Variants in FGF1 observed in about 807,000 individuals in gnomAD.
FGF1 encodes beta-endothelial cell growth factor.
In FGF1, 9 loss-of-function variants were observed where a neutral mutation model predicts 13.4. The ratio of observed to expected loss-of-function variants is 0.67; its 90% CI spans 0.40 to 1.17. The LOEUF is 1.17. Ranked by LOEUF, FGF1 falls within the 50% of genes most tolerant of loss-of-function variation. The probability of loss-of-function intolerance (pLI) is 0.01; values close to 1 mark genes in which losing one functional copy is unlikely to be tolerated. For missense variants in FGF1, 156 were observed against 192.7 expected (o/e 0.81, Z 1.13); for synonymous variants, 93 against 79.0 (o/e 1.18, Z -0.94).
chr5:142,654,758 G>C (rs969517229), intron 1 of FGF1, among the ~76,000 whole-genome samples: 1 of 152,236 alleles, frequency 6.6e-6, no homozygotes, highest in African/African-American at 2.4e-5. Flanking sequence ...CCTCTTTAGG[G>C]TTGGCTCCTT....
At chr5:142,598,387 T>A (rs1755746576) in intron 3 of FGF1, among the ~76,000 whole-genome samples, 1 of 152,252 alleles carries the variant, frequency 6.6e-6, no homozygotes, top group African/African-American at 2.4e-5. Context: ...GGTACAATGC[T>A]GAAGACATGT....
upstream of FGF1, among the ~76,000 whole-genome samples, chr5:142,689,386 A>C (rs12514676): frequency 0.013 from 1,916 of 152,342 alleles, 19 homozygotes; most frequent in South Asian, 0.035. Context: ...CCACGATGAC[A>C]GAGGGCAATG....
In FGF1 at chr5:142,594,111, T is replaced by G. The variant is rs534873152; in HGVS notation, c.*1179A>C. 1 of 152,358 alleles carries G rather than the reference T, an allele frequency of 6.6e-6. No individual in the cohort carries two copies. Among genetic ancestry groups the G allele is most frequent in the Non-Finnish European group, 1.5e-5 (1 of 68,004 alleles). 9.4% of individuals were successfully genotyped at this position (152,358 alleles called of 1,614,324 possible). ...AATGCTCAGGTAGACTCATGAGGTG[T>G]GCATTTTTAAGGGTTAGTTGAGGTC... On this transcript the variant is annotated 3_prime_UTR_variant, in exon 4 of 4. Coordinates refer to ENST00000337706, the MANE Select transcript of FGF1 (RefSeq NM_000800.5).
At chr5:142,682,533 A>C (rs547733278) in intron 1 of FGF1, among the ~76,000 whole-genome samples, 56 of 152,198 alleles carry the variant, frequency 3.7e-4, no homozygotes, top group Non-Finnish European at 1.3e-4. Flanking sequence ...CCCCCACTTT[A>C]CAGATGAGGA....
intron 1 of FGF1, among the ~76,000 whole-genome samples, chr5:142,660,678 C>T (rs938436088): frequency 7.9e-5 from 12 of 152,224 alleles, no homozygotes; most frequent in Admixed American, 2.0e-4. Context: ...GTGTTCTCCT[C>T]AGCTCATCAG....
At chr5:142,679,440 T>G (rs1773299793) in intron 1 of FGF1, among the ~76,000 whole-genome samples, 1 of 152,206 alleles carries the variant, frequency 6.6e-6, no homozygotes, top group Non-Finnish European at 1.5e-5. Flanking sequence ...TCAGGACCAC[T>G]CGGTAGAATT....
chr5:142,605,973 C>G (rs1162245319), intron 2 of FGF1, among the ~76,000 whole-genome samples: 2 of 152,116 alleles, frequency 1.3e-5, no homozygotes, highest in African/African-American at 2.4e-5. Context: ...ACAGCAGCAG[C>G]TTTTTCCTCG....
chr5:142,607,746 GAA>G (rs1164277487), intron 2 of FGF1, among the ~76,000 whole-genome samples: 2 of 152,282 alleles, frequency 1.3e-5, no homozygotes, highest in Non-Finnish European at 2.9e-5. Flanking sequence ...ACATGTCAAT[GAA>G]ACTGAAATGT....
intron 1 of FGF1, among the ~76,000 whole-genome samples, chr5:142,646,117 G>T (rs1766026109): frequency 6.6e-6 from 1 of 151,304 alleles, no homozygotes; most frequent in African/African-American, 2.4e-5. Flanking sequence ...CAGTGTGTTA[G>T]CCAGGATGGT....
intron 2 of FGF1, among the ~76,000 whole-genome samples, chr5:142,608,542 CTATATATATA>C (rs369107817): frequency 0.023 from 1,771 of 75,894 alleles, 20 homozygotes; most frequent in Non-Finnish European, 0.03. Flanking sequence ...ATATACACAT[CTATATATATA>C]TATATATATA....
intron 1 of FGF1, among the ~76,000 whole-genome samples, chr5:142,648,086 A>AAAC (rs997145947): frequency 1.1e-4 from 17 of 152,224 alleles, no homozygotes; most frequent in South Asian, 1.0e-3. Context: ...CTCTATCTCA[A>AAAC]AACAACAACA....
intron 1 of FGF1, among the ~76,000 whole-genome samples, chr5:142,667,246 T>C (rs1348425335): frequency 2.0e-5 from 3 of 150,992 alleles, no homozygotes; most frequent in Non-Finnish European, 4.4e-5. Flanking sequence ...ATCATGCCAC[T>C]GTACTCCAGC....
chr5:142,688,839 C>G (rs1256697912), upstream of FGF1, among the ~76,000 whole-genome samples: 1 of 152,200 alleles, frequency 6.6e-6, no homozygotes, highest in African/African-American at 2.4e-5. Context: ...ATGCAGAGCA[C>G]TTAGGCAGCT....
chr5:142,648,387 C>G (rs59732853), intron 1 of FGF1, among the ~76,000 whole-genome samples: 2 of 151,976 alleles, frequency 1.3e-5, no homozygotes, highest in Non-Finnish European at 2.9e-5. Flanking sequence ...AACCATCATT[C>G]TCAGCAAACT....
intron 3 of FGF1, 43 bp downstream of exon 3, chr5:142,600,659 C>G: frequency 1.4e-6 from 2 of 1,399,698 alleles, no homozygotes; most frequent in Non-Finnish European, 2.0e-6. Flanking sequence ...CTGGAAACCT[C>G]AAACCTTGGC....
At chr5:142,614,968 A>G (rs868416819) in intron 1 of FGF1, among the ~76,000 whole-genome samples, 1 of 152,092 alleles carries the variant, frequency 6.6e-6, no homozygotes, top group South Asian at 2.1e-4. Context: ...CTAATGTGAG[A>G]TAGAACACAG....
intron 1 of FGF1, among the ~76,000 whole-genome samples, chr5:142,679,737 T>C (rs945218172): frequency 2.0e-5 from 3 of 152,240 alleles, no homozygotes; most frequent in African/African-American, 7.2e-5. Context: ...TTGGGCCTAC[T>C]TGTTGCTCCC....
chr5:142,660,791 C>G (rs1331122352), intron 1 of FGF1, among the ~76,000 whole-genome samples: 1 of 152,214 alleles, frequency 6.6e-6, no homozygotes, highest in East Asian at 1.9e-4. Flanking sequence ...TAAAAGAAAT[C>G]CCACAGTCTA....
chr5:142,595,066 C>G lies in FGF1; in HGVS notation c.*224G>C, dbSNP rs1047741253. The G allele has an allele frequency of 3.8e-5, 17 of 446,288 alleles. No individual in the cohort carries two copies. Among genetic ancestry groups the G allele is most frequent in the Admixed American group, 2.7e-4 (7 of 25,486 alleles). 27.6% of individuals were successfully genotyped at this position (446,288 alleles called of 1,614,324 possible). A position where few individuals can be genotyped will look rare whatever the true frequency, so the allele number is the denominator to read the frequency against. ...CCAAACCCAGACCCAGACTGGCCAGCCAGTTGACTCCTAGAAGCAATTTGG... is the reference window on the plus strand; with the variant it reads ...CCAAACCCAGACCCAGACTGGCCAGGCAGTTGACTCCTAGAAGCAATTTGG... On this transcript the variant is annotated 3_prime_UTR_variant, in exon 4 of 4. Transcript: ENST00000337706.
Sources: gnomAD v4.1 joint callset for allele counts (sites outside exome capture counted in the v4.1 genomes callset) on GRCh38, gnomAD v4.1.1 for gene constraint, MANE v1.5 for transcripts, NCBI Gene and HGNC (gene_info 2026-07-23, HGNC 2026-07-21) for gene names.